Variants in PCDHGB4 observed in about 807,000 individuals in gnomAD.
PCDHGB4 encodes protocadherin gamma subfamily B, 4, also known as protocadherin gamma-B4.
Under a neutral mutation model 60.5 loss-of-function variants are expected in PCDHGB4, and 38 were observed. The observed-to-expected ratio is 0.63, with a 90% CI of 0.48 to 0.82. The LOEUF (loss-of-function observed/expected upper bound fraction) is 0.82, where lower values mean the gene tolerates loss of function less well. Ranked by LOEUF, PCDHGB4 falls within the 40% of genes least tolerant of loss-of-function variation. The probability of loss-of-function intolerance (pLI) is 0.00; values close to 1 mark genes in which losing one functional copy is unlikely to be tolerated. For missense variants in PCDHGB4, 1,109 were observed against 1,209.6 expected, an observed-to-expected ratio of 0.92 and a Z score of 1.23; for synonymous variants, 456 against 509.7, an observed-to-expected ratio of 0.89 and a Z score of 1.42.
intron 2 of PCDHGB4, among the ~76,000 whole-genome samples, chr5:141,503,780 T>G (rs779791247): frequency 7.2e-5 from 11 of 152,124 alleles, no homozygotes; most frequent in Non-Finnish European, 1.3e-4. Flanking sequence ...GTTCTTAGGC[T>G]GAGTTCATCT....
chr5:141,509,143 C>G (rs1022878562), intron 3 of PCDHGB4, among the ~76,000 whole-genome samples: 1 of 152,256 alleles, frequency 6.6e-6, no homozygotes, highest in African/African-American at 2.4e-5. Context: ...AGGCGCATCC[C>G]GGCTCTCCCC....
At position 141,477,222 on chromosome 5, in the gene PCDHGB4, C is replaced by T; in HGVS notation, c.2398-17585C>T. Reference sequence around the variant, plus strand: ...GTACCCGAGGATGCCCCTCTGGGGACTGTCATCGCTTTGCTCAGTGTGACT... The same window carrying T: ...GTACCCGAGGATGCCCCTCTGGGGATTGTCATCGCTTTGCTCAGTGTGACT... On this transcript the variant is annotated intron_variant, in intron 1 of 3. Transcript: ENST00000519479. This position sits in a 1 kb window ranked among gnomAD's most constrained non-coding sequence, Gnocchi z 4.9. 2 of 1,614,218 alleles carry T rather than the reference C, an allele frequency of 1.2e-6. No homozygotes were observed. Among genetic ancestry groups the T allele is most frequent in the South Asian group, 1.1e-5 (1 of 91,086 alleles).
At chr5:141,499,247 A>C (rs908111927) in intron 2 of PCDHGB4, among the ~76,000 whole-genome samples, 1 of 152,036 alleles carries the variant, frequency 6.6e-6, no homozygotes, top group Non-Finnish European at 1.5e-5. Flanking sequence ...CTCTGCACAA[A>C]GAGTCTCCAT....
chr5:141,508,334 C>T (rs1323577321), intron 3 of PCDHGB4: 2 of 151,150 alleles, frequency 1.3e-5, no homozygotes, highest in African/African-American at 4.9e-5. Flanking sequence ...GGAGAACTGA[C>T]TCTACAGAAA....
At chr5:141,419,939 G>GTGGCCT (rs780963377) in intron 1 of PCDHGB4, 3 of 1,614,054 alleles carry the variant, frequency 1.9e-6, no homozygotes, top group Admixed American at 1.7e-5. Flanking sequence ...TTACCTGGTG[G>GTGGCCT]TGGCCTTGGC....
chr5:141,431,008 C>T lies in PCDHGB4; in HGVS notation c.2397+40727C>T. The T allele has an allele frequency of 6.2e-7, 1 of 1,614,118 alleles. No individual in the cohort carries two copies. The highest frequency in any genetic ancestry group is 1.1e-5 in the South Asian group (1 of 91,076). ...TCGCCCTGAATCCGCGCAGCGGCAG[C>T]TTGGTCACGGCGGGCAGGATAGACC... On this transcript the variant is annotated intron_variant, in intron 1 of 3. Transcript: ENST00000519479. This position sits in a 1 kb window ranked among gnomAD's most constrained non-coding sequence, Gnocchi z 4.8.
At chr5:141,434,331 T>C (rs1271938024) in intron 1 of PCDHGB4, among the ~76,000 whole-genome samples, 3 of 152,186 alleles carry the variant, frequency 2.0e-5, no homozygotes, top group Non-Finnish European at 4.4e-5. Context: ...GCTTGTCTCT[T>C]TGTGTCGGGA....
At chr5:141,421,679 C>T (rs1210753842) in intron 1 of PCDHGB4, 2 of 1,613,810 alleles carry the variant, frequency 1.2e-6, no homozygotes, top group Admixed American at 1.7e-5. Context: ...ATTCCTGGGG[C>T]GCGATTTGCT....
At chr5:141,390,922 A>G (rs935110449) in intron 1 of PCDHGB4, 8 of 152,482 alleles carry the variant, frequency 5.2e-5, no homozygotes, top group Non-Finnish European at 1.0e-4. Context: ...AAGGTCTACT[A>G]TGCTCATTAG....
At chr5:141,399,445 G>GATA in intron 1 of PCDHGB4, 1 of 1,614,032 alleles carries the variant, frequency 6.2e-7, no homozygotes, top group Non-Finnish European at 8.5e-7. Flanking sequence ...ACATATCAGA[G>GATA]ACGTCAACGA....
intron 1 of PCDHGB4, chr5:141,407,952 G>A (rs1235192174): frequency 2.7e-5 from 17 of 633,328 alleles, no homozygotes; most frequent in Admixed American, 1.4e-4. Context: ...CTGTCGGCCA[G>A]TGCAGAGCAA....
intron 2 of PCDHGB4, among the ~76,000 whole-genome samples, chr5:141,496,592 T>G (rs948403662): frequency 6.6e-6 from 1 of 152,136 alleles, no homozygotes; most frequent in African/African-American, 2.4e-5. Context: ...GCAAAGCGCT[T>G]CTTAGAAGGC....
chr5:141,395,657 T>C (rs1400217115), intron 1 of PCDHGB4: 1 of 162,996 alleles, frequency 6.1e-6, no homozygotes, highest in African/African-American at 2.4e-5. Context: ...TTAGCAAAAG[T>C]AAAATATATC....
In PCDHGB4 at chr5:141,511,421, G is replaced by A. The variant is rs1289887363; in HGVS notation, c.*248G>A. 19 of 829,148 alleles carry A rather than the reference G, an allele frequency of 2.3e-5. No individual in the cohort carries two copies. The highest frequency in any genetic ancestry group is 3.8e-4 in the Middle Eastern group (1 of 2,640). 51.4% of individuals were successfully genotyped at this position (829,148 alleles called of 1,614,324 possible). On this transcript the variant is annotated 3_prime_UTR_variant, in exon 4 of 4. Coordinates refer to ENST00000519479, the MANE Select transcript of PCDHGB4 (RefSeq NM_003736.4). The stretch of plus-strand genomic sequence containing the variant: ...CCAATCAACTGCTGTACCCATGGGG[G>A]TAGTGGGGTTACTGTAGACACCAAG...
intron 1 of PCDHGB4, chr5:141,419,462 C>T: frequency 6.2e-7 from 1 of 1,612,582 alleles, no homozygotes. Flanking sequence ...GCTGCAGGCC[C>T]GCGACCAGGG....
At chr5:141,478,236 TCA>T in intron 1 of PCDHGB4, 3 of 1,614,156 alleles carry the variant, frequency 1.9e-6, no homozygotes, top group Non-Finnish European at 2.5e-6. Flanking sequence ...GGGTTTGTGG[TCA>T]CAGTGTTCGG....
chr5:141,476,920 A>G lies in PCDHGB4; in HGVS notation c.2398-17887A>G. The G allele has an allele frequency of 6.2e-7, 1 of 1,614,094 alleles. No individual in the cohort carries two copies. The highest frequency in any genetic ancestry group is 1.1e-5 in the South Asian group (1 of 91,088). On this transcript the variant is annotated intron_variant, in intron 1 of 3. Coordinates refer to ENST00000519479, the MANE Select transcript of PCDHGB4 (RefSeq NM_003736.4). This position sits in a 1 kb window ranked among gnomAD's most constrained non-coding sequence, Gnocchi z 7.6. ...GCACGCGCGTGGTACAAGTCCTTGC[A>G]ACGGATCTGGATGAAGGCCCCAACG...
rs776543767 is a variant in PCDHGB4 at position 141,432,028 on chromosome 5, C to G, written c.2397+41747C>G. The G allele has an allele frequency of 6.2e-7, 1 of 1,614,168 alleles. No homozygotes were observed. The highest frequency in any genetic ancestry group is 2.2e-5 in the East Asian group (1 of 44,882). On this transcript the variant is annotated intron_variant, in intron 1 of 3. Transcript: ENST00000519479. This position sits in a 1 kb window ranked among gnomAD's most constrained non-coding sequence, Gnocchi z 6.0. ...TTCCTAGCTACAACATCACAGTGAC[C>G]GCCACTGACCGGGGAACCCCGCCCC...
At chr5:141,421,616 AC>A in intron 1 of PCDHGB4, 1 of 1,613,792 alleles carries the variant, frequency 6.2e-7, no homozygotes, top group Non-Finnish European at 8.5e-7. Context: ...ATTAATGATA[AC>A]GCCCCCAGCT....
Sources: allele counts gnomAD v4.1 joint callset (sites outside exome capture counted in the v4.1 genomes callset), GRCh38; gene constraint gnomAD v4.1.1; non-coding constraint Gnocchi (gnomAD v3.1); transcripts MANE v1.5; gene names NCBI Gene and HGNC (gene_info 2026-07-23, HGNC 2026-07-21).